The following CARD10 variants were observed in gnomAD, a reference collection of about 807,000 sequenced individuals.
CARD10 encodes the protein caspase recruitment domain family member 10, also known as caspase recruitment domain-containing protein 10.
Under a neutral mutation model 114.6 loss-of-function variants are expected in CARD10, and 49 were observed. The ratio of observed to expected loss-of-function variants is 0.43; its 90% confidence interval spans 0.34 to 0.54. The LOEUF is 0.54. Among genes scored for constraint, CARD10 ranks in the 20% least tolerant of loss-of-function variants. The probability of loss-of-function intolerance (pLI) is 0.03; values close to 1 mark genes in which losing one functional copy is unlikely to be tolerated. For missense variants in CARD10, 1,206 were observed against 1,397.2 expected, an observed-to-expected ratio of 0.86 and a Z score of 2.18; for synonymous variants, 602 against 593.2, an observed-to-expected ratio of 1.01 and a Z score of -0.21.
chr22:37,519,000 G>A lies in CARD10; in HGVS notation c.201C>T (p.Ser67=), dbSNP rs776163429. 2 of 1,582,306 alleles carry A rather than the reference G, an allele frequency of 1.3e-6. No homozygotes were observed. The highest frequency in any genetic ancestry group is 1.7e-6 in the Non-Finnish European group (2 of 1,170,614). ...IDEQDEEEVL[S]TYRFPCRVNR... is the part of the protein sequence containing the mutation. Reference sequence around the variant, plus strand: ...TGACGCGGCACGGGAAGCGGTAGGTGCTCAGCACCTCCTCCTCGTCCTGCT... The same window carrying A: ...TGACGCGGCACGGGAAGCGGTAGGTACTCAGCACCTCCTCCTCGTCCTGCT... Residue 67 remains serine (S), a synonymous_variant, in exon 1 of 20, where the codon AGC becomes AGT. Transcript: ENST00000251973.
Position 37,492,917 on chromosome 22 carries a change from C to T in CARD10, c.2477-115G>A. The T allele has an allele frequency of 9.1e-7, 1 of 1,093,812 alleles. No homozygotes were observed. The highest frequency in any genetic ancestry group is 1.3e-6 in the Non-Finnish European group (1 of 768,732). The allele number at this position is 1,093,812 out of a possible 1,614,324, so 67.8% of individuals were successfully genotyped here. A position where few individuals can be genotyped will look rare whatever the true frequency, so the allele number is the denominator to read the frequency against. On this transcript the variant is annotated intron_variant, in intron 16 of 19. Coordinates refer to ENST00000251973, the MANE Select transcript of CARD10 (RefSeq NM_014550.4). This position sits in a 1 kb window ranked among gnomAD's most constrained non-coding sequence, Gnocchi z 5.7. Reference sequence around the variant, plus strand: ...TCCCTTCCTAAGTCCTGCTGCTGCTCCTCCTACACATGCACACACACACAC... The same window carrying T: ...TCCCTTCCTAAGTCCTGCTGCTGCTTCTCCTACACATGCACACACACACAC...
intron 3 of CARD10, among the ~76,000 whole-genome samples, chr22:37,510,880 G>A (rs2092170): frequency 0.33 from 50,053 of 151,910 alleles, 10,913 homozygotes; most frequent in African/African-American, 0.63. Flanking sequence ...TCAGGAGTTT[G>A]AGACCAGCCT....
At chr22:37,508,790 C>T in intron 4 of CARD10, 108 bp from the exon 5 acceptor site, 1 of 1,307,108 alleles carries the variant, frequency 7.7e-7, no homozygotes, top group Non-Finnish European at 1.0e-6. Context: ...ACCTGACCAG[C>T]TCTGCCATGC....
chr22:37,518,864 C>A lies in CARD10; in HGVS notation c.235+102G>T, dbSNP rs1159952758. 3 of 1,359,984 alleles carry A rather than the reference C, an allele frequency of 2.2e-6. No individual in the cohort carries two copies. In the African/African-American group the frequency reaches 4.5e-5, roughly 21 times the overall value. The allele number at this position is 1,359,984 out of a possible 1,614,324, so 84.2% of individuals were successfully genotyped here. ...CACTCTACTGATGCGGAGACCGAGC[C>A]CCAGGGCAGCAGAGCCCTAGCTTCG... On this transcript the variant is annotated intron_variant, in intron 1 of 19. Transcript: ENST00000251973.
Position 37,495,906 on chromosome 22 carries a change from T to C in CARD10, c.2157A>G (p.Ala719=). The change falls in exon 14 of 20, where the codon GCA becomes GCG. Residue 719 remains alanine (A), a synonymous_variant. Transcript: ENST00000251973. ...CTTTCACGCAAAGGGCATGGGGATC[T>C]GCCCTCTCAGGCAAGGTGAGGTTGG... is the stretch of plus-strand genomic sequence containing the variant. The part of the protein sequence containing the change: ...IRANLTLPER[A]DPHALCVKAQ... 1 of 1,614,166 alleles carries C rather than the reference T, an allele frequency of 6.2e-7. No homozygotes were observed. The highest frequency in any genetic ancestry group is 2.2e-5 in the East Asian group (1 of 44,892).
At chr22:37,499,126 G>A (rs1362094943) in intron 11 of CARD10, among the ~76,000 whole-genome samples, 1 of 152,036 alleles carries the variant, frequency 6.6e-6, no homozygotes, top group East Asian at 1.9e-4. Context: ...TGACCTTTTT[G>A]TTCCAGGCAT....
Position 37,491,824 on chromosome 22 carries a change from A to C in CARD10, c.2795T>G (p.Leu932Arg). ...LELGARGVRE[L>R]VQNEIYPIVI... Reference sequence around the variant, plus strand: ...GATGGGGTAGATCTCGTTCTGCACCAGCTCCCGCACACCCCGAGCACCCAG... The same window carrying C: ...GATGGGGTAGATCTCGTTCTGCACCCGCTCCCGCACACCCCGAGCACCCAG... The change falls in exon 19 of 20, where the codon CTG becomes CGG. Residue 932 changes from leucine (L) to arginine (R), a missense_variant. Physicochemically the swap from Leu to Arg is moderately radical, Grantham distance 102. This residue lies in a region of CARD10 where 1,068 missense variants were observed against 1,179.1 expected (regional missense o/e 0.91). Coordinates refer to ENST00000251973, the MANE Select transcript of CARD10 (RefSeq NM_014550.4). 1 of 1,500,622 alleles carries C rather than the reference A, an allele frequency of 6.7e-7. No individual in the cohort carries two copies. Among genetic ancestry groups the C allele is most frequent in the Non-Finnish European group, 8.9e-7 (1 of 1,118,004 alleles). The allele number at this position is 1,500,622 out of a possible 1,614,324, so 93.0% of individuals were successfully genotyped here. A position where few individuals can be genotyped will look rare whatever the true frequency, so the allele number is the denominator to read the frequency against.
chr22:37,502,470 G>A (rs993000350), intron 11 of CARD10, 132 bp downstream of exon 11: 19 of 1,048,124 alleles, frequency 1.8e-5, no homozygotes, highest in East Asian at 2.7e-5. Flanking sequence ...TCCAAGGGCT[G>A]CCAGTGTCTA....
rs754542141 is a variant in CARD10 at position 37,508,563 on chromosome 22, C to G, written c.1029G>C (p.Gln343His). The change falls in exon 5 of 20, where the codon CAG becomes CAC. Residue 343 changes from glutamine to histidine, a missense_variant. This residue lies in a region of CARD10 where 1,068 missense variants were observed against 1,179.1 expected (regional missense o/e 0.91). Transcript: ENST00000251973. ...QELCQKLHAV[Q>H]GELQWAEELR... ...GCTCCTCGGCCCACTGCAGCTCCCC[C>G]TGCACGGCATGCAGCTTCTGGCACA... 1.3e-6 allele frequency: 2 copies of G among 1,598,264 alleles called. No homozygotes were observed. The highest frequency in any genetic ancestry group is 1.1e-5 in the South Asian group (1 of 89,954).
At chr22:37,509,438 G>A (rs942357280) in intron 4 of CARD10, among the ~76,000 whole-genome samples, 1 of 152,050 alleles carries the variant, frequency 6.6e-6, no homozygotes. Context: ...ACGTGCTAAG[G>A]GCCCTCAGCT....
chr22:37,512,970 G>A (rs1051435584), intron 3 of CARD10, among the ~76,000 whole-genome samples: 1 of 152,206 alleles, frequency 6.6e-6, no homozygotes, highest in Admixed American at 6.5e-5. Context: ...AGGTGGGGAT[G>A]CAAGCCGCCA....
At chr22:37,509,203 T>C in intron 4 of CARD10, 1 of 1,389,870 alleles carries the variant, frequency 7.2e-7, no homozygotes, top group Non-Finnish European at 9.4e-7. Flanking sequence ...TGTGGAACAA[T>C]GGCCAGGAGG....
chr22:37,497,707 C>CA, intron 11 of CARD10, among the ~76,000 whole-genome samples: 1 of 151,964 alleles, frequency 6.6e-6, no homozygotes, highest in Middle Eastern at 3.4e-3. Context: ...ACTAAAAATA[C>CA]AAAAAAATTA....
chr22:37,511,357 CAAA>C (rs1169625822), intron 3 of CARD10, among the ~76,000 whole-genome samples: 556 of 65,732 alleles, frequency 8.5e-3, no homozygotes, highest in African/African-American at 0.034. Flanking sequence ...GACCCTGTCT[CAAA>C]AAAAAAAAAA....
Position 37,506,356 on chromosome 22 carries a change from A to G in CARD10, c.1219T>C (p.Leu407=), listed in dbSNP as rs767788801. 12 of 1,596,164 alleles carry G rather than the reference A, an allele frequency of 7.5e-6. No individual in the cohort carries two copies. The highest frequency in any genetic ancestry group is 2.7e-5 in the African/African-American group (2 of 74,592). The change falls in exon 7 of 20, where the codon TTG becomes CTG. Residue 407 remains leucine (L), a synonymous_variant. Coordinates refer to ENST00000251973, the MANE Select transcript of CARD10 (RefSeq NM_014550.4). ...QAIQSRDRIQ[L]QYSQSLIEKD... ...TCGATGAGGCTCTGTGAGTACTGCA[A>G]CTGGATCCGGTCACGGCTCTGGATG...
rs1445380765 is a variant in CARD10, at chr22:37,496,552, C to G, written c.1956G>C (p.Val652=). The change falls in exon 13 of 20, where the codon GTG becomes GTC. Residue 652 remains valine, a synonymous_variant. Transcript: ENST00000251973. The surrounding 1 kb of genome is among the most constrained non-coding windows in gnomAD (Gnocchi z 4.1). ...SARMEPREQR[V]EAAGLEGACL... is the part of the protein sequence containing the mutation. ...ACGCCCCCTCCAGACCAGCAGCTTCCACCCTTTGCTGGGAGAAAACCCAGG... is the reference window on the plus strand; with the variant it reads ...ACGCCCCCTCCAGACCAGCAGCTTCGACCCTTTGCTGGGAGAAAACCCAGG... 5 of 1,612,566 alleles carry G rather than the reference C, an allele frequency of 3.1e-6. No homozygotes were observed. The highest frequency in any genetic ancestry group is 1.7e-4 in the Middle Eastern group (1 of 6,056).
intron 4 of CARD10, chr22:37,509,010 T>A: frequency 6.5e-7 from 1 of 1,549,988 alleles, no homozygotes; most frequent in Non-Finnish European, 8.7e-7. Context: ...TCACCCACCA[T>A]CCAGGGCAGC....
At position 37,492,646 on chromosome 22, in the gene CARD10, G is replaced by T; in HGVS notation, c.2633C>A (p.Ala878Glu). The change falls in exon 17 of 20, where the codon GCG becomes GAG. Residue 878 changes from alanine to glutamate, a missense_variant and splice_region_variant. Physicochemically the swap from Ala to Glu is moderately radical, Grantham distance 107 (BLOSUM62 -1). This residue lies in a region of CARD10 where 1,068 missense variants were observed against 1,179.1 expected (regional missense o/e 0.91). Transcript: ENST00000251973. This position sits in a 1 kb window ranked among gnomAD's most constrained non-coding sequence, Gnocchi z 5.7. ...CCCTCCCCGGCACATAGTCTCACCCGCTGGGCACACTTGGAAGTCCAGCCG... is the reference window on the plus strand; with the variant it reads ...CCCTCCCCGGCACATAGTCTCACCCTCTGGGCACACTTGGAAGTCCAGCCG... ...SSRLDFQVCPAESLSGEELCP... is the reference protein window; with the variant it reads ...SSRLDFQVCPEESLSGEELCP... 1 of 1,612,624 alleles carries T rather than the reference G, an allele frequency of 6.2e-7. No homozygotes were observed. The highest frequency in any genetic ancestry group is 1.3e-5 in the African/African-American group (1 of 75,020).
At chr22:37,506,041 G>A (rs1053753510) in intron 7 of CARD10, 151 bp downstream of exon 7, 17 of 552,604 alleles carry the variant, frequency 3.1e-5, no homozygotes, top group Admixed American at 2.5e-4. Flanking sequence ...TCAAGTTCCC[G>A]CCCCTAACTG....
Sources: allele counts gnomAD v4.1 joint callset (sites outside exome capture counted in the v4.1 genomes callset), GRCh38; gene constraint gnomAD v4.1.1; regional missense constraint gnomAD v4.1.1; non-coding constraint Gnocchi (gnomAD v3.1); transcripts MANE v1.5; gene names NCBI Gene and HGNC (gene_info 2026-07-23, HGNC 2026-07-21).